SLC25A13: variants seen among roughly 807,000 people sequenced by gnomAD.
The protein encoded by SLC25A13 is electrogenic aspartate/glutamate antiporter SLC25A13, mitochondrial.
A neutral mutation model predicts 85.5 loss-of-function variants in SLC25A13; 70 were observed. The observed-to-expected ratio is 0.82, with a 90% CI of 0.68 to 1.00. SLC25A13 has a LOEUF of 1.00. SLC25A13 is among the 50% of genes least tolerant of loss of function. The pLI is 0.00. For missense variants in SLC25A13, 765 were observed against 819.8 expected, an observed-to-expected ratio of 0.93 and a Z score of 0.82; for synonymous variants, 259 against 288.7, an observed-to-expected ratio of 0.90 and a Z score of 1.04.
At chr7:96,229,531 T>C (rs1169554673) in intron 4 of SLC25A13, among the ~76,000 whole-genome samples, 3 of 151,938 alleles carry the variant, frequency 2.0e-5, no homozygotes, top group East Asian at 1.9e-4. Context: ...TTTTGTTCTT[T>C]TGCTCTTCAC....
At chr7:96,176,730 A>C (rs992366584) in intron 11 of SLC25A13, among the ~76,000 whole-genome samples, 5 of 152,202 alleles carry the variant, frequency 3.3e-5, no homozygotes, top group Non-Finnish European at 5.9e-5. Flanking sequence ...CTAGCATGCT[A>C]TTCTTAAGAA....
intron 4 of SLC25A13, among the ~76,000 whole-genome samples, chr7:96,223,487 A>C (rs1796210044): frequency 2.0e-5 from 3 of 152,118 alleles, no homozygotes; most frequent in Non-Finnish European, 2.9e-5. Flanking sequence ...CTCAGATAAA[A>C]GCAGGTATTC....
intron 7 of SLC25A13, 139 bp downstream of exon 7, chr7:96,190,970 G>T: frequency 9.1e-7 from 1 of 1,100,478 alleles, no homozygotes; most frequent in South Asian, 1.3e-5. Context: ...TCTGATCAAA[G>T]GATGAAAAAC....
intron 4 of SLC25A13, among the ~76,000 whole-genome samples, chr7:96,216,975 C>A (rs901273080): frequency 6.6e-6 from 1 of 151,964 alleles, no homozygotes; most frequent in African/African-American, 2.4e-5. Flanking sequence ...AAAAACTTTG[C>A]AAGTCACATA....
At chr7:96,140,812 G>C (rs1209864149) in intron 14 of SLC25A13, among the ~76,000 whole-genome samples, 1 of 149,646 alleles carries the variant, frequency 6.7e-6, no homozygotes, top group Non-Finnish European at 1.5e-5. Flanking sequence ...TCTCATTGTA[G>C]TTATGATTTG....
chr7:96,200,491 A>G (rs1795214611), intron 5 of SLC25A13, among the ~76,000 whole-genome samples: 1 of 152,232 alleles, frequency 6.6e-6, no homozygotes, highest in Non-Finnish European at 1.5e-5. Flanking sequence ...GCAATAAAAT[A>G]GGTAGAGAGA....
At chr7:96,265,822 G>A (rs1336294330) in intron 3 of SLC25A13, among the ~76,000 whole-genome samples, 1 of 152,136 alleles carries the variant, frequency 6.6e-6, no homozygotes, top group Non-Finnish European at 1.5e-5. Flanking sequence ...TCTAGGAGTT[G>A]GGAAGTCCAA....
intron 2 of SLC25A13, among the ~76,000 whole-genome samples, chr7:96,294,348 G>A (rs977503532): frequency 6.6e-6 from 1 of 152,150 alleles, no homozygotes. Flanking sequence ...GTTAATGGGT[G>A]CAGCACATCA....
chr7:96,268,486 T>C (rs12704839), intron 3 of SLC25A13, among the ~76,000 whole-genome samples: 101,283 of 152,002 alleles, frequency 0.67, 34,062 homozygotes, highest in African/African-American at 0.68. Flanking sequence ...GCCCTCTTCA[T>C]TCATTAAGGC....
At chr7:96,256,693 T>A (rs757660871) in intron 3 of SLC25A13, among the ~76,000 whole-genome samples, 1 of 152,138 alleles carries the variant, frequency 6.6e-6, no homozygotes, top group Non-Finnish European at 1.5e-5. Flanking sequence ...ATTCAGAACT[T>A]GAAGTCAGCT....
chr7:96,216,134 C>T (rs768539731), intron 4 of SLC25A13, among the ~76,000 whole-genome samples: 8 of 148,028 alleles, frequency 5.4e-5, no homozygotes, highest in South Asian at 2.1e-4. Context: ...CCAGCCTGGG[C>T]GACAGAGAGA....
rs201707164 is a variant in SLC25A13, at chr7:96,199,408, A to C, written c.469-6225T>G. ...AATAAGTGAATAAAGAAAATAAGAC[A>C]CAGGGCCTGAAACCTTGTAGCAAAT... On this transcript the variant is annotated intron_variant, in intron 5 of 17. Transcript: ENST00000265631. 2.2e-4 allele frequency among the ~76,000 whole-genome samples: 34 copies of C among 152,346 alleles called. 1 individual carries two copies. In the East Asian group the frequency reaches 6.4e-3, roughly 29 times the overall value.
chr7:96,226,265 TG>T, intron 4 of SLC25A13, among the ~76,000 whole-genome samples: 1 of 152,292 alleles, frequency 6.6e-6, no homozygotes, highest in East Asian at 1.9e-4. Flanking sequence ...AGTAGAATCA[TG>T]TAATATTTGT....
At chr7:96,191,735 G>T (rs1223760697) in intron 6 of SLC25A13, among the ~76,000 whole-genome samples, 1 of 152,142 alleles carries the variant, frequency 6.6e-6, no homozygotes, top group East Asian at 1.9e-4. Flanking sequence ...CTTATAACCA[G>T]TAATAAATAA....
intron 4 of SLC25A13, among the ~76,000 whole-genome samples, chr7:96,232,877 A>G (rs1464023125): frequency 6.6e-6 from 1 of 152,214 alleles, no homozygotes; most frequent in African/African-American, 2.4e-5. Flanking sequence ...CAGAAACAAA[A>G]TCCTTATGCA....
At chr7:96,212,116 G>A (rs911757040) in intron 4 of SLC25A13, among the ~76,000 whole-genome samples, 1 of 152,276 alleles carries the variant, frequency 6.6e-6, no homozygotes, top group Admixed American at 6.5e-5. Flanking sequence ...GGTCATTCAG[G>A]GCTCCCATGC....
At chr7:96,265,142 G>GT (rs912703988) in intron 3 of SLC25A13, among the ~76,000 whole-genome samples, 17 of 152,280 alleles carry the variant, frequency 1.1e-4, no homozygotes, top group African/African-American at 4.1e-4. Context: ...ATCTGAAACT[G>GT]TATCAGTGAA....
intron 3 of SLC25A13, among the ~76,000 whole-genome samples, chr7:96,243,897 A>G (rs1464426276): frequency 6.6e-6 from 1 of 152,128 alleles, no homozygotes; most frequent in African/African-American, 2.4e-5. Flanking sequence ...TTTTATTCCT[A>G]GGGAAATCAG....
intron 10 of SLC25A13, 23 bp from the exon 11 acceptor site, chr7:96,184,458 T>C (rs1195438257): frequency 1.2e-6 from 2 of 1,611,362 alleles, no homozygotes; most frequent in South Asian, 1.1e-5. Flanking sequence ...AATATCATTA[T>C]CTCAGAAGAA....
Sources: gnomAD v4.1 joint callset for allele counts (sites outside exome capture counted in the v4.1 genomes callset) on GRCh38, gnomAD v4.1.1 for gene constraint, MANE v1.5 for transcripts, NCBI Gene and HGNC (gene_info 2026-07-23, HGNC 2026-07-21) for gene names.